The following ADAMTSL3 variants were observed in gnomAD, a reference collection of about 807,000 sequenced individuals.
ADAMTSL3 encodes the protein ADAMTS-like protein 3.
A neutral mutation model predicts 201.7 loss-of-function variants in ADAMTSL3; 128 were observed. That is an observed-to-expected ratio of 0.63 (90% confidence interval 0.55 to 0.73). The LOEUF (loss-of-function observed/expected upper bound fraction) is 0.73, where lower values mean the gene tolerates loss of function less well. Among genes scored for constraint, ADAMTSL3 ranks in the 30% least tolerant of loss-of-function variants. ADAMTSL3 has a pLI of 0.00. For synonymous variants in ADAMTSL3, 738 were observed against 748.4 expected (o/e 0.99, Z 0.23); for missense variants, 1,990 against 2,119.6 (o/e 0.94, Z 1.20).
At chr15:83,930,860 A>G (rs1473364217) in intron 17 of ADAMTSL3, among the ~76,000 whole-genome samples, 2 of 152,252 alleles carry the variant, frequency 1.3e-5, no homozygotes, top group Admixed American at 1.3e-4. Flanking sequence ...AGTGTGTTGC[A>G]TAATATTTTC....
At chr15:83,869,191 G>A (rs2065035658) in intron 8 of ADAMTSL3, among the ~76,000 whole-genome samples, 1 of 151,950 alleles carries the variant, frequency 6.6e-6, no homozygotes, top group Non-Finnish European at 1.5e-5. Flanking sequence ...TCTTAATATT[G>A]CCTTAATGCT....
chr15:83,786,575 C>G (rs2063267089), intron 4 of ADAMTSL3, among the ~76,000 whole-genome samples: 1 of 151,536 alleles, frequency 6.6e-6, no homozygotes, highest in Non-Finnish European at 1.5e-5. Context: ...GTTTTTGTAC[C>G]CAACCTAGTG....
intron 5 of ADAMTSL3, among the ~76,000 whole-genome samples, chr15:83,806,625 G>A (rs1156556642): frequency 6.6e-6 from 1 of 151,934 alleles, no homozygotes; most frequent in Admixed American, 6.5e-5. Context: ...AGGCTGGGGT[G>A]GGCAGGTAAC....
chr15:83,755,663 G>A (rs983105655), intron 3 of ADAMTSL3, among the ~76,000 whole-genome samples: 1 of 151,994 alleles, frequency 6.6e-6, no homozygotes, highest in Admixed American at 6.6e-5. Context: ...CTACTTATTT[G>A]TCAGTGGACA....
At chr15:84,009,602 C>T (rs981664301) in intron 23 of ADAMTSL3, among the ~76,000 whole-genome samples, 2 of 152,224 alleles carry the variant, frequency 1.3e-5, no homozygotes, top group Middle Eastern at 3.4e-3. Context: ...TAATGTGATA[C>T]GAAAATATCT....
At chr15:84,014,973 G>A (rs1166284405) in intron 24 of ADAMTSL3, among the ~76,000 whole-genome samples, 5 of 151,424 alleles carry the variant, frequency 3.3e-5, no homozygotes, top group Admixed American at 2.6e-4. Flanking sequence ...TTTAAACGGA[G>A]TCTTGCTCCG....
intron 17 of ADAMTSL3, among the ~76,000 whole-genome samples, chr15:83,927,608 T>A (rs1458986642): frequency 6.6e-6 from 1 of 152,228 alleles, no homozygotes; most frequent in Non-Finnish European, 1.5e-5. Flanking sequence ...CTAATAAATA[T>A]ATAATGAATA....
intron 3 of ADAMTSL3, among the ~76,000 whole-genome samples, chr15:83,711,109 A>G (rs1023292988): frequency 3.3e-5 from 5 of 152,206 alleles, no homozygotes; most frequent in African/African-American, 1.2e-4. Flanking sequence ...TATGATAAAC[A>G]TAATTTTCCT....
chr15:84,007,490 A>G (rs2067915638), intron 23 of ADAMTSL3, among the ~76,000 whole-genome samples: 1 of 152,130 alleles, frequency 6.6e-6, no homozygotes, highest in South Asian at 2.1e-4. Flanking sequence ...AGAAGTTTGA[A>G]GCTTCCGTAT....
At chr15:83,859,235 A>C (rs1341658393) in intron 8 of ADAMTSL3, among the ~76,000 whole-genome samples, 2 of 152,260 alleles carry the variant, frequency 1.3e-5, no homozygotes, top group African/African-American at 2.4e-5. Context: ...GTGGGGGCTT[A>C]CAGACCATAG....
chr15:83,903,963 A>AGGGAG (rs1567226206), intron 15 of ADAMTSL3, among the ~76,000 whole-genome samples: 1 of 109,352 alleles, frequency 9.1e-6, no homozygotes. Flanking sequence ...AAAGAAAGAA[A>AGGGAG]GAAAGAAAAG....
chr15:83,996,236 C>G (rs958704617), intron 23 of ADAMTSL3, among the ~76,000 whole-genome samples: 1 of 152,120 alleles, frequency 6.6e-6, no homozygotes. Flanking sequence ...GGTTGCACAA[C>G]TCTGTGAATA....
At chr15:83,911,443 T>C (rs1190776122) in intron 15 of ADAMTSL3, among the ~76,000 whole-genome samples, 3 of 152,226 alleles carry the variant, frequency 2.0e-5, no homozygotes, top group Non-Finnish European at 4.4e-5. Context: ...TGACTACATA[T>C]TATTACACTG....
rs754342063 is a variant in ADAMTSL3, at chr15:83,885,152, C to T, written c.1012C>T (p.Pro338Ser). Residue 338 changes from proline (P) to serine (S), a missense_variant, in exon 10 of 30, where the codon CCC becomes TCC. Transcript: ENST00000286744. ...DSVVQFFFYQ[P>S]ISHQWRQTDF... is the part of the protein sequence containing the mutation. ...CGTGGTTCAGTTCTTCTTTTACCAG[C>T]CCATCAGTCATCAGTGGAGACAAAC... 6 of 1,614,156 alleles carry T rather than the reference C, an allele frequency of 3.7e-6. No individual in the cohort carries two copies. The highest frequency in any genetic ancestry group is 5.1e-6 in the Non-Finnish European group (6 of 1,180,004).
At chr15:83,665,734 G>A (rs544261158) in intron 2 of ADAMTSL3, among the ~76,000 whole-genome samples, 27 of 152,300 alleles carry the variant, frequency 1.8e-4, no homozygotes, top group African/African-American at 6.0e-4. Flanking sequence ...AGTATTTCAT[G>A]GAATTACTTT....
At chr15:83,799,115 T>C (rs1446304166) in intron 4 of ADAMTSL3, among the ~76,000 whole-genome samples, 1 of 152,192 alleles carries the variant, frequency 6.6e-6, no homozygotes, top group Non-Finnish European at 1.5e-5. Context: ...TGAACTGCCT[T>C]AGAGACTTAT....
rs962349817 is a variant in ADAMTSL3 at position 83,679,798 on chromosome 15, C to T, written c.69+23968C>T. On this transcript the variant is annotated intron_variant, in intron 2 of 29. Transcript: ENST00000286744. ...TGTGAGGGAGAGGAGCACCGCCTGC[C>T]ACCACTGGGTAAGGGTGGAAGTCCA... Among the ~76,000 whole-genome samples, 9 of 152,292 alleles carry T rather than the reference C, an allele frequency of 5.9e-5. No homozygotes were observed. The South Asian group carries it at 1.7e-3, about 28-fold the overall frequency.
At chr15:83,906,460 A>G (rs927776503) in intron 15 of ADAMTSL3, among the ~76,000 whole-genome samples, 13 of 152,212 alleles carry the variant, frequency 8.5e-5, no homozygotes, top group African/African-American at 3.1e-4. Flanking sequence ...TAAAATCAGG[A>G]AAATAATGAT....
At chr15:84,018,886 T>C (rs1191385139) in intron 25 of ADAMTSL3, among the ~76,000 whole-genome samples, 2 of 152,056 alleles carry the variant, frequency 1.3e-5, no homozygotes, top group African/African-American at 4.8e-5. Context: ...CAAAAACAAA[T>C]TATCAAATTG....
Sources: gnomAD v4.1 joint callset for allele counts (sites outside exome capture counted in the v4.1 genomes callset) on GRCh38, gnomAD v4.1.1 for gene constraint, MANE v1.5 for transcripts, NCBI Gene and HGNC (gene_info 2026-07-23, HGNC 2026-07-21) for gene names.